The following KIF9 variants were observed in gnomAD, a reference collection of about 807,000 sequenced individuals.
The protein encoded by KIF9 is kinesin-like protein KIF9.
A neutral mutation model predicts 94.8 loss-of-function variants in KIF9; 68 were observed. The ratio of observed to expected loss-of-function variants is 0.72; its 90% CI spans 0.59 to 0.88. KIF9 has a LOEUF of 0.88. KIF9 is among the 40% of genes least tolerant of loss of function. The pLI is 0.00. For missense variants in KIF9, 882 were observed against 982.5 expected, an observed-to-expected ratio of 0.90 and a Z score of 1.37; for synonymous variants, 343 against 362.1, an observed-to-expected ratio of 0.95 and a Z score of 0.60.
intron 5 of KIF9, among the ~76,000 whole-genome samples, chr3:47,268,659 T>C (rs957065869): frequency 6.6e-6 from 1 of 151,492 alleles, no homozygotes; most frequent in Non-Finnish European, 1.5e-5. Context: ...GTTGGCTCAC[T>C]GCAACTTCTG....
chr3:47,262,994 G>T (rs939315253), intron 9 of KIF9, among the ~76,000 whole-genome samples: 13 of 152,074 alleles, frequency 8.5e-5, no homozygotes, highest in Non-Finnish European at 2.9e-5. Context: ...TGCCTCCCAG[G>T]TTCAAGCGAT....
At chr3:47,243,949 G>A (rs1699752200) in intron 15 of KIF9, 1 of 152,298 alleles carries the variant, frequency 6.6e-6, no homozygotes, top group Non-Finnish European at 1.5e-5. Context: ...AAGCAGAACA[G>A]AGAGGGTTGG....
At chr3:47,243,266 C>A (rs1476360195) in intron 15 of KIF9, 21 bp from the exon 16 acceptor site, 1 of 1,597,752 alleles carries the variant, frequency 6.3e-7, no homozygotes. Context: ...GCACGGAAGC[C>A]CCAGGGTTCA....
At chr3:47,271,946 CCT>C (rs1701674417) in intron 4 of KIF9, among the ~76,000 whole-genome samples, 1 of 152,026 alleles carries the variant, frequency 6.6e-6, no homozygotes, top group African/African-American at 2.4e-5. Context: ...ATGGTGAAAC[CCT>C]GTCTCTACTA....
At chr3:47,281,208 C>T in intron 1 of KIF9, 1 of 589,710 alleles carries the variant, frequency 1.7e-6, no homozygotes. Flanking sequence ...GAGAGAGTCC[C>T]AAGGGGCATA....
In KIF9 at chr3:47,236,105, T is replaced by G. The variant is rs777193969; in HGVS notation, c.2146A>C (p.Met716Leu). Residue 716 changes from methionine (M) to leucine (L), a missense_variant, in exon 19 of 21, where the codon ATG (methionine) becomes CTG (leucine). Transcript: ENST00000684063. Reference sequence around the variant, plus strand: ...CCGCCTGGCTTCAGTGCCATCTGCATGTCCTCAGGGATGACAAAGGACTCA... The same window carrying G: ...CCGCCTGGCTTCAGTGCCATCTGCAGGTCCTCAGGGATGACAAAGGACTCA... ...YNESFVIPED[M>L]QMALKPGGSI... 17 of 1,614,082 alleles carry G rather than the reference T, an allele frequency of 1.1e-5. No homozygotes were observed. The highest frequency in any genetic ancestry group is 1.4e-5 in the Non-Finnish European group (17 of 1,180,022).
intron 10 of KIF9, among the ~76,000 whole-genome samples, chr3:47,252,157 C>T (rs1700312070): frequency 6.6e-6 from 1 of 152,184 alleles, no homozygotes; most frequent in African/African-American, 2.4e-5. Flanking sequence ...ATAATTTTTC[C>T]ACATCTCTCT....
At chr3:47,229,238 T>G (rs1698375736) in intron 20 of KIF9, among the ~76,000 whole-genome samples, 1 of 152,086 alleles carries the variant, frequency 6.6e-6, no homozygotes, top group Non-Finnish European at 1.5e-5. Flanking sequence ...AAAGTAGGAG[T>G]CTGAATTGAA....
At chr3:47,248,441 A>C (rs1700067793) in intron 10 of KIF9, among the ~76,000 whole-genome samples, 1 of 151,672 alleles carries the variant, frequency 6.6e-6, no homozygotes, top group Admixed American at 6.6e-5. Flanking sequence ...CAGACTCCAG[A>C]ATGCTTTCTT....
intron 9 of KIF9, among the ~76,000 whole-genome samples, chr3:47,260,077 T>TCTCG (rs1700868111): frequency 7.9e-6 from 1 of 126,694 alleles, no homozygotes; most frequent in Non-Finnish European, 1.6e-5. Flanking sequence ...AAAACCCGAT[T>TCTCG]GTATGCTTCA....
intron 10 of KIF9, among the ~76,000 whole-genome samples, chr3:47,255,894 T>C (rs11918753): frequency 0.95 from 138,938 of 146,434 alleles, 66,189 homozygotes; most frequent in East Asian, 0.99. Context: ...CGAGTGCCTG[T>C]GATTGCGGGC....
chr3:47,256,631 T>C (rs1700629415), intron 10 of KIF9, among the ~76,000 whole-genome samples: 3 of 152,144 alleles, frequency 2.0e-5, no homozygotes, highest in Admixed American at 2.0e-4. Flanking sequence ...CACCACCCCG[T>C]CTGGGAGGTG....
chr3:47,264,817 TG>T (rs1216841374), intron 8 of KIF9, among the ~76,000 whole-genome samples: 1 of 152,134 alleles, frequency 6.6e-6, no homozygotes, highest in Non-Finnish European at 1.5e-5. Flanking sequence ...ATGGAGGACT[TG>T]GGGAGGGGGA....
chr3:47,245,158 C>A (rs1280945797), intron 14 of KIF9: 3 of 607,698 alleles, frequency 4.9e-6, no homozygotes, highest in Middle Eastern at 4.3e-4. Context: ...TCATTCCATA[C>A]TCTGGGGATC....
At chr3:47,276,065 C>A (rs1174326342) in intron 2 of KIF9, among the ~76,000 whole-genome samples, 1 of 152,174 alleles carries the variant, frequency 6.6e-6, no homozygotes, top group Non-Finnish European at 1.5e-5. Context: ...GTGTCATCAG[C>A]AGATTTTTAG....
rs559996569 is a variant in KIF9, at chr3:47,282,656, T to G, written c.-167A>C. On this transcript the variant is annotated 5_prime_UTR_variant, in exon 1 of 21. The change abolishes the stop of an existing upstream ORF in the 5' untranslated region. Coordinates refer to ENST00000684063, the MANE Select transcript of KIF9 (RefSeq NM_182902.4). Reference sequence around the variant, plus strand: ...GTGGCGGAAATGAAGTCCGAGGTCCTACGTCGAGGATACGGGTGAGGTCAT... The same window carrying G: ...GTGGCGGAAATGAAGTCCGAGGTCCGACGTCGAGGATACGGGTGAGGTCAT... The G allele has an allele frequency of 2.4e-6, 3 of 1,231,606 alleles. No homozygotes were observed. In the South Asian group the frequency reaches 5.8e-5, roughly 24 times the overall value. 76.3% of individuals were successfully genotyped at this position (1,231,606 alleles called of 1,614,324 possible).
At chr3:47,233,659 G>A (rs1698785128) in intron 20 of KIF9, among the ~76,000 whole-genome samples, 1 of 151,644 alleles carries the variant, frequency 6.6e-6, no homozygotes, top group African/African-American at 2.4e-5. Context: ...TCATGCCACT[G>A]CACTCTAGCC....
chr3:47,256,493 C>T (rs915072984), intron 10 of KIF9, among the ~76,000 whole-genome samples: 1 of 151,708 alleles, frequency 6.6e-6, no homozygotes, highest in Non-Finnish European at 1.5e-5. Flanking sequence ...CCCCGCCAGG[C>T]CAGCCGCCCC....
chr3:47,278,601 G>T (rs1187457771), intron 1 of KIF9, among the ~76,000 whole-genome samples: 1 of 152,090 alleles, frequency 6.6e-6, no homozygotes, highest in African/African-American at 2.4e-5. Context: ...GGCCGAGGTG[G>T]GCAGATCCCT....
Sources: gnomAD v4.1 joint callset for allele counts (sites outside exome capture counted in the v4.1 genomes callset) on GRCh38, gnomAD v4.1.1 for gene constraint, MANE v1.5 for transcripts, NCBI Gene and HGNC (gene_info 2026-07-23, HGNC 2026-07-21) for gene names.